The following DPP6 variants were observed in gnomAD, a reference collection of about 807,000 sequenced individuals.
The protein encoded by DPP6 is A-type potassium channel modulatory protein DPP6.
A neutral mutation model predicts 122.6 loss-of-function variants in DPP6; 69 were observed. The ratio of observed to expected loss-of-function variants is 0.56; its 90% confidence interval spans 0.46 to 0.69. The LOEUF (loss-of-function observed/expected upper bound fraction) is 0.69. Ranked by LOEUF, DPP6 falls within the 30% of genes least tolerant of loss-of-function variation. DPP6 has a pLI of 0.00. For missense variants in DPP6, 928 were observed against 1,116.9 expected, an observed-to-expected ratio of 0.83 and a Z score of 2.41; for synonymous variants, 418 against 433.1, an observed-to-expected ratio of 0.97 and a Z score of 0.43.
chr7:154,285,698 G>T lies in DPP6; in HGVS notation c.244-160516G>T, dbSNP rs549586805. ...AGGAAATTTATACATTTTGAGAAGC[G>T]TGAAAGCTTATTCTATTTCCCTGAG... On this transcript the variant is annotated intron_variant, in intron 1 of 25. Transcript: ENST00000377770. Among the ~76,000 whole-genome samples, 4 of 152,332 alleles carry T rather than the reference G, an allele frequency of 2.6e-5. No homozygotes were observed. The South Asian group carries it at 8.3e-4, about 32-fold the overall frequency.
intron 8 of DPP6, among the ~76,000 whole-genome samples, chr7:154,763,636 A>G (rs1795711795): frequency 6.6e-6 from 1 of 152,124 alleles, no homozygotes. Flanking sequence ...TCACCCAGAA[A>G]AACAAGGCCA....
chr7:154,072,977 C>T (rs995515378), intron 1 of DPP6, among the ~76,000 whole-genome samples: 6 of 152,314 alleles, frequency 3.9e-5, no homozygotes, highest in East Asian at 1.9e-4. Flanking sequence ...TGAGACATGA[C>T]GACTGTGACT....
intron 1 of DPP6, among the ~76,000 whole-genome samples, chr7:154,047,204 A>G (rs1473473315): frequency 4.7e-5 from 7 of 149,378 alleles, no homozygotes; most frequent in Non-Finnish European, 1.0e-4. Flanking sequence ...GTCCTTCACA[A>G]GGCATGCCAG....
the DPP6 span, among the ~76,000 whole-genome samples, chr7:153,830,065 T>C: frequency 0.2 from 30,497 of 152,174 alleles, 3,226 homozygotes; most frequent in South Asian, 0.26. Context: ...TATAGGAGAC[T>C]GAAACAGAAC....
chr7:153,864,968 ACTGT>A, the DPP6 span, among the ~76,000 whole-genome samples: 2 of 152,146 alleles, frequency 1.3e-5, no homozygotes, highest in South Asian at 2.1e-4. Context: ...CTGTCCCCAA[ACTGT>A]CTGTAAGAAC....
At chr7:154,046,715 C>T (rs1227042132) in intron 1 of DPP6, among the ~76,000 whole-genome samples, 1 of 152,158 alleles carries the variant, frequency 6.6e-6, no homozygotes, top group African/African-American at 2.4e-5. Flanking sequence ...CTGGAATCTG[C>T]AGTACTTGGA....
At chr7:154,868,173 G>A (rs1804055359) in intron 18 of DPP6, 80 bp downstream of exon 18, 3 of 1,517,462 alleles carry the variant, frequency 2.0e-6, no homozygotes, top group South Asian at 2.6e-5. Flanking sequence ...ATCAGCAGCA[G>A]GTGCCCTGCA....
At position 153,978,294 on chromosome 7, in the gene DPP6, C is replaced by G. The variant is rs181200596; in HGVS notation, c.51+90560C>G. Among the ~76,000 whole-genome samples, 135 of 152,342 alleles carry G rather than the reference C, an allele frequency of 8.9e-4. 1 individual carries two copies. The highest frequency in any genetic ancestry group is 3.1e-3 in the African/African-American group (130 of 41,568). Reference sequence around the variant, plus strand: ...CATTGTGGTTTTGATTTGTATTTCTCTAATGACCAGTGATGGTGAGATTTT... The same window carrying G: ...CATTGTGGTTTTGATTTGTATTTCTGTAATGACCAGTGATGGTGAGATTTT... On this transcript the variant is annotated intron_variant, in intron 1 of 25. Coordinates refer to the DPP6 transcript ENST00000404039.
intron 1 of DPP6, among the ~76,000 whole-genome samples, chr7:153,966,190 T>G (rs1314128024): frequency 6.9e-6 from 1 of 145,970 alleles, no homozygotes; most frequent in Non-Finnish European, 1.5e-5. Context: ...TCTTTCACAT[T>G]GTGAGCTGAT....
chr7:153,963,362 G>A (rs145920407), intron 1 of DPP6, among the ~76,000 whole-genome samples: 8,445 of 149,170 alleles, frequency 0.057, 869 homozygotes, highest in African/African-American at 0.19. Flanking sequence ...CATAGCAAGA[G>A]GAAGGAAGCA....
At chr7:154,016,945 G>A (rs1178096861) in intron 1 of DPP6, among the ~76,000 whole-genome samples, 2 of 152,232 alleles carry the variant, frequency 1.3e-5, no homozygotes, top group Admixed American at 6.5e-5. Flanking sequence ...ATACCTGGAG[G>A]ATGTTAAGCC....
At chr7:154,608,320 C>CATATATATATATAT (rs35662023) in intron 5 of DPP6, among the ~76,000 whole-genome samples, 1,310 of 89,846 alleles carry the variant, frequency 0.015, 79 homozygotes, top group Non-Finnish European at 0.022. Flanking sequence ...TAGGAGTGAT[C>CATATATATATATAT]ATATATATAT....
chr7:154,432,621 C>G (rs1292806706), intron 1 of DPP6, among the ~76,000 whole-genome samples: 1 of 152,216 alleles, frequency 6.6e-6, no homozygotes, highest in Non-Finnish European at 1.5e-5. Context: ...AACACCTGCA[C>G]TGGATTTTAT....
intron 23 of DPP6, 66 bp downstream of exon 23, chr7:154,887,800 G>A (rs1288574723): frequency 1.3e-6 from 2 of 1,589,580 alleles, no homozygotes; most frequent in African/African-American, 2.7e-5. Flanking sequence ...CTCCCAGCCT[G>A]CCCTGGCTGT....
intron 8 of DPP6, among the ~76,000 whole-genome samples, chr7:154,767,481 C>T (rs542122092): frequency 1.6e-4 from 24 of 152,292 alleles, no homozygotes; most frequent in Middle Eastern, 3.4e-3. Context: ...CCCAAACTCG[C>T]ACCTGAACGT....
chr7:154,510,814 C>A (rs566893411), intron 3 of DPP6, among the ~76,000 whole-genome samples: 1 of 151,810 alleles, frequency 6.6e-6, no homozygotes, highest in South Asian at 2.1e-4. Flanking sequence ...AATTATATAC[C>A]TAACTGGGTG....
chr7:154,405,088 T>C (rs375779723), intron 1 of DPP6, among the ~76,000 whole-genome samples: 13 of 152,236 alleles, frequency 8.5e-5, no homozygotes, highest in Non-Finnish European at 1.6e-4. Context: ...TGTACATTTC[T>C]ATGTATGTGA....
At chr7:154,585,124 T>TC (rs56170552) in intron 5 of DPP6, among the ~76,000 whole-genome samples, 152,112 of 152,268 alleles carry the variant, frequency 1, 75,981 homozygotes, top group Middle Eastern at 1. Context: ...GTCTACAGTC[T>TC]TGTAGTTTAG....
At chr7:154,039,382 A>C (rs1272209668) in intron 1 of DPP6, among the ~76,000 whole-genome samples, 1 of 130,946 alleles carries the variant, frequency 7.6e-6, no homozygotes, top group Non-Finnish European at 1.6e-5. Context: ...TTCTCCAAGA[A>C]GACAGGTGCA....
Sources: allele counts gnomAD v4.1 joint callset (sites outside exome capture counted in the v4.1 genomes callset), GRCh38; gene constraint gnomAD v4.1.1; transcripts MANE v1.5; gene names NCBI Gene and HGNC (gene_info 2026-07-23, HGNC 2026-07-21).